Variants in CRPPA observed in about 807,000 individuals in gnomAD.
The protein encoded by CRPPA is D-ribitol-5-phosphate cytidylyltransferase.
CRPPA carries 43 observed loss-of-function variants against 52.0 expected under a neutral mutation model. The observed-to-expected ratio is 0.83, with a 90% CI of 0.65 to 1.07. CRPPA has a LOEUF of 1.07. Ranked by LOEUF, CRPPA falls within the 50% of genes least tolerant of loss-of-function variation. CRPPA has a pLI of 0.00. For synonymous variants in CRPPA, 250 were observed against 203.5 expected (o/e 1.23, Z -1.94); for missense variants, 629 against 551.7 (o/e 1.14, Z -1.40).
chr7:16,212,710 G>A (rs1393438571), intron 9 of CRPPA, among the ~76,000 whole-genome samples: 2 of 152,056 alleles, frequency 1.3e-5, no homozygotes, highest in African/African-American at 4.8e-5. Context: ...CTCTGTCTCC[G>A]CTTTCTCATC....
chr7:16,295,624 C>A (rs947636001), intron 5 of CRPPA, among the ~76,000 whole-genome samples: 1 of 152,038 alleles, frequency 6.6e-6, no homozygotes, highest in African/African-American at 2.4e-5. Context: ...AGAAATTCCA[C>A]TGGGGCTTTT....
chr7:16,254,797 GAAAGAAA>G (rs1562588598), intron 8 of CRPPA, among the ~76,000 whole-genome samples: 27 of 55,340 alleles, frequency 4.9e-4, no homozygotes, highest in East Asian at 1.9e-3. Flanking sequence ...AAGAAGGAAA[GAAAGAAA>G]GAAAGAAAGA....
At chr7:16,213,286 A>G (rs1782200737) in intron 9 of CRPPA, among the ~76,000 whole-genome samples, 1 of 152,204 alleles carries the variant, frequency 6.6e-6, no homozygotes. Flanking sequence ...TTGCTTAATA[A>G]TGAAAAGTGA....
rs1163884503 is a variant in CRPPA, at chr7:16,191,101, A to C, written c.1251+24965T>G. 2.6e-5 allele frequency among the ~76,000 whole-genome samples: 4 copies of C among 152,228 alleles called. No homozygotes were observed. The East Asian group carries it at 5.8e-4, about 22-fold the overall frequency. On this transcript the variant is annotated intron_variant, in intron 9 of 9. Coordinates refer to ENST00000407010, the MANE Select transcript of CRPPA (RefSeq NM_001101426.4). ...GTTAATTGTGTTGCTATAAACATAC[A>C]CGTGCAAGTATCTTTTTTGTATAAT...
At chr7:16,117,286 G>A (rs1481642698) in intron 9 of CRPPA, among the ~76,000 whole-genome samples, 1 of 152,126 alleles carries the variant, frequency 6.6e-6, no homozygotes, top group Non-Finnish European at 1.5e-5. Context: ...TCTGTTCCAG[G>A]CCAAATCTGC....
intron 6 of CRPPA, among the ~76,000 whole-genome samples, chr7:16,264,259 A>G (rs1269463236): frequency 6.6e-6 from 1 of 152,212 alleles, no homozygotes; most frequent in Non-Finnish European, 1.5e-5. Context: ...TTCCACACTC[A>G]AACACAACAA....
At chr7:16,301,010 A>C (rs1353360652) in intron 5 of CRPPA, among the ~76,000 whole-genome samples, 1 of 152,220 alleles carries the variant, frequency 6.6e-6, no homozygotes, top group Non-Finnish European at 1.5e-5. Context: ...TAATTTCTCC[A>C]GTTAGGAAAA....
chr7:16,399,833 G>A (rs995675760), intron 2 of CRPPA, among the ~76,000 whole-genome samples: 9 of 152,216 alleles, frequency 5.9e-5, no homozygotes, highest in East Asian at 5.8e-4. Context: ...TGATCAGCAC[G>A]TGTGGCACAT....
chr7:16,347,414 C>T (rs2128307195), intron 3 of CRPPA, among the ~76,000 whole-genome samples: 1 of 152,238 alleles, frequency 6.6e-6, no homozygotes, highest in South Asian at 2.1e-4. Flanking sequence ...CTTGTGTTAT[C>T]AGTTGTTCCT....
chr7:16,166,719 T>C (rs1781074105), intron 9 of CRPPA, among the ~76,000 whole-genome samples: 1 of 152,186 alleles, frequency 6.6e-6, no homozygotes, highest in South Asian at 2.1e-4. Flanking sequence ...TAAATTCTCC[T>C]GATGACTTTT....
intron 3 of CRPPA, among the ~76,000 whole-genome samples, chr7:16,367,571 A>G (rs1460530516): frequency 6.6e-6 from 1 of 152,026 alleles, no homozygotes; most frequent in African/African-American, 2.4e-5. Flanking sequence ...TATAAAGAAA[A>G]GACACTTCAT....
At chr7:16,282,607 T>G (rs1270038009) in intron 5 of CRPPA, among the ~76,000 whole-genome samples, 1 of 152,064 alleles carries the variant, frequency 6.6e-6, no homozygotes, top group Non-Finnish European at 1.5e-5. Context: ...ATCTTTTAAG[T>G]TTGAAAGTTA....
At chr7:16,203,173 A>C (rs540635648) in intron 9 of CRPPA, among the ~76,000 whole-genome samples, 1 of 152,296 alleles carries the variant, frequency 6.6e-6, no homozygotes, top group African/African-American at 2.4e-5. Flanking sequence ...TTTGGACACA[A>C]ATCTTTAGTG....
chr7:16,147,465 C>A (rs1782996532), intron 9 of CRPPA, among the ~76,000 whole-genome samples: 1 of 152,120 alleles, frequency 6.6e-6, no homozygotes, highest in Non-Finnish European at 1.5e-5. Context: ...ACAAACAAAT[C>A]CTTTGTTGAA....
At chr7:16,150,084 G>A (rs925806413) in intron 9 of CRPPA, among the ~76,000 whole-genome samples, 2 of 151,498 alleles carry the variant, frequency 1.3e-5, no homozygotes, top group Non-Finnish European at 2.9e-5. Context: ...TGTGTACAAC[G>A]AAACTGGTAT....
chr7:16,192,000 C>T (rs373903022), intron 9 of CRPPA, among the ~76,000 whole-genome samples: 4 of 152,104 alleles, frequency 2.6e-5, no homozygotes, highest in East Asian at 1.9e-4. Context: ...AATTTTTTAA[C>T]GATTTAATCT....
In CRPPA at chr7:16,219,026, T is replaced by G. The variant is rs188957997; in HGVS notation, c.1120-2829A>C. 6.7e-3 allele frequency among the ~76,000 whole-genome samples: 1,018 copies of G among 152,216 alleles called. 16 individuals are homozygous for G. Among genetic ancestry groups the G allele is most frequent in the African/African-American group, 0.024 (982 of 41,520 alleles). ...ACCACACCAAACCTATTCCAAAATT[T>G]ACCACATACTTGGAAGTAAGGCTCT... On this transcript the variant is annotated intron_variant, in intron 8 of 9. Transcript: ENST00000407010.
intron 9 of CRPPA, among the ~76,000 whole-genome samples, chr7:16,126,031 C>T (rs1352340365): frequency 1.3e-5 from 2 of 151,766 alleles, no homozygotes; most frequent in Non-Finnish European, 2.9e-5. Flanking sequence ...TAAAATTAGA[C>T]TGGAAACAGA....
At chr7:16,352,090 A>C (rs1334398291) in intron 3 of CRPPA, among the ~76,000 whole-genome samples, 8 of 152,206 alleles carry the variant, frequency 5.3e-5, no homozygotes, top group Non-Finnish European at 7.3e-5. Context: ...GCCATAAAAA[A>C]GGATGAGTTC....
Sources: allele counts gnomAD v4.1 joint callset (sites outside exome capture counted in the v4.1 genomes callset), GRCh38; gene constraint gnomAD v4.1.1; transcripts MANE v1.5; gene names NCBI Gene and HGNC (gene_info 2026-07-23, HGNC 2026-07-21).